Variants in MEF2C observed in about 807,000 individuals in gnomAD.
The protein encoded by MEF2C is myocyte enhancer factor 2C.
Under a neutral mutation model 50.5 loss-of-function variants are expected in MEF2C, and 6 were observed. The ratio of observed to expected loss-of-function variants is 0.12; its 90% confidence interval spans 0.07 to 0.23. The LOEUF is 0.23. Ranked by LOEUF, MEF2C falls within the 10% of genes least tolerant of loss-of-function variation. The pLI, the probability that MEF2C is intolerant of heterozygous loss-of-function variation, is 1.00. For synonymous variants in MEF2C, 183 were observed against 228.0 expected, an observed-to-expected ratio of 0.80 and a Z score of 1.78; for missense variants, 276 against 605.0, an observed-to-expected ratio of 0.46 and a Z score of 5.70.
intron 1 of MEF2C, among the ~76,000 whole-genome samples, chr5:88,840,243 A>C (rs765628900): frequency 1.3e-5 from 2 of 152,210 alleles, no homozygotes; most frequent in Non-Finnish European, 2.9e-5. Flanking sequence ...AATCCCTCAC[A>C]GAATACTTTA....
chr5:88,804,081 T>C (rs569370972), intron 3 of MEF2C, among the ~76,000 whole-genome samples: 48 of 152,288 alleles, frequency 3.2e-4, no homozygotes, highest in African/African-American at 1.2e-3. Flanking sequence ...GGAGAATAAT[T>C]GCCTTTACTC....
intron 6 of MEF2C, chr5:88,742,682 T>G (rs1767398808): frequency 8.1e-6 from 8 of 985,364 alleles, no homozygotes; most frequent in Non-Finnish European, 9.6e-6. Flanking sequence ...CGAAGGCATA[T>G]TTTACAACAT....
At chr5:88,902,404 T>A (rs912100778) in intron 1 of MEF2C, among the ~76,000 whole-genome samples, 4 of 151,910 alleles carry the variant, frequency 2.6e-5, no homozygotes, top group African/African-American at 9.7e-5. Flanking sequence ...ATATTTGGGT[T>A]TTAATGTTTT....
chr5:88,785,791 T>G (rs1175698874), intron 3 of MEF2C, among the ~76,000 whole-genome samples: 1 of 152,188 alleles, frequency 6.6e-6, no homozygotes, highest in Non-Finnish European at 1.5e-5. Context: ...GTTTGTCAGG[T>G]TCCCTGAAAC....
chr5:88,874,566 A>G (rs1272483431), intron 1 of MEF2C, among the ~76,000 whole-genome samples: 1 of 151,974 alleles, frequency 6.6e-6, no homozygotes, highest in Non-Finnish European at 1.5e-5. Flanking sequence ...TATTCTTATA[A>G]GCTGCCTTAT....
intron 3 of MEF2C, among the ~76,000 whole-genome samples, chr5:88,778,152 C>T (rs1294596378): frequency 1.3e-5 from 2 of 152,008 alleles, no homozygotes; most frequent in Non-Finnish European, 2.9e-5. Context: ...TTGTGATCCA[C>T]CCGCCTCAGC....
rs1017107744 is a variant in MEF2C at position 88,819,424 on chromosome 5, A to T, written c.54+4311T>A. The stretch of plus-strand genomic sequence containing the variant: ...GATATCTGGGTCCTGTCTAACATCC[A>T]ATCTTTTCTCTCATTTCTCTACAGT... On this transcript the variant is annotated intron_variant, in intron 2 of 10. Coordinates refer to ENST00000504921, the MANE Select transcript of MEF2C (RefSeq NM_002397.5). 3.1e-6 allele frequency: 3 copies of T among 974,652 alleles called. No individual in the cohort carries two copies. The African/African-American group carries it at 5.3e-5, about 17-fold the overall frequency. The allele number at this position is 974,652 out of a possible 1,614,324, so 60.4% of individuals were successfully genotyped here.
chr5:88,746,530 T>C, intron 6 of MEF2C: 1 of 985,330 alleles, frequency 1.0e-6, no homozygotes, highest in Non-Finnish European at 1.2e-6. Context: ...TCTCGCCACT[T>C]GGCCTCAAGA....
intron 7 of MEF2C, among the ~76,000 whole-genome samples, 168 bp from the exon 8 acceptor site, chr5:88,730,402 C>A (rs1299534459): frequency 6.6e-6 from 1 of 152,154 alleles, no homozygotes; most frequent in African/African-American, 2.4e-5. Context: ...CTTTGTTTCC[C>A]TTAATGAGCT....
chr5:88,744,094 A>T, intron 6 of MEF2C: 1 of 984,854 alleles, frequency 1.0e-6, no homozygotes, highest in Non-Finnish European at 1.2e-6. Context: ...CTACTCAATA[A>T]AAGGCAATCG....
chr5:88,752,100 T>C, intron 4 of MEF2C, 57 bp from the exon 5 acceptor site: 2 of 1,455,256 alleles, frequency 1.4e-6, no homozygotes, highest in Non-Finnish European at 1.8e-6. Flanking sequence ...ACAGAAGCTC[T>C]TCAAGACAGA....
At chr5:88,779,881 AC>A (rs1290958373) in intron 3 of MEF2C, among the ~76,000 whole-genome samples, 1 of 151,734 alleles carries the variant, frequency 6.6e-6, no homozygotes, top group Admixed American at 6.6e-5. Context: ...CTCATGTCTC[AC>A]GCCTATAATC....
intron 2 of MEF2C, among the ~76,000 whole-genome samples, chr5:88,821,206 TA>T (rs1808170728): frequency 6.6e-6 from 1 of 151,894 alleles, no homozygotes; most frequent in Non-Finnish European, 1.5e-5. Context: ...CAACTATATA[TA>T]AAAAAAGAAA....
intron 4 of MEF2C, among the ~76,000 whole-genome samples, chr5:88,757,901 G>A (rs1353508148): frequency 6.6e-6 from 1 of 152,122 alleles, no homozygotes; most frequent in Admixed American, 6.5e-5. Context: ...GAGGCACGGG[G>A]TGAGACCCCG....
At chr5:88,729,617 C>A (rs1001401931) in intron 8 of MEF2C, 10 of 405,978 alleles carry the variant, frequency 2.5e-5, no homozygotes, top group African/African-American at 1.6e-4. Flanking sequence ...TAAAAACAGA[C>A]TATGTTGAAA....
At chr5:88,840,279 T>C (rs886971810) in intron 1 of MEF2C, among the ~76,000 whole-genome samples, 4 of 152,214 alleles carry the variant, frequency 2.6e-5, no homozygotes, top group African/African-American at 9.6e-5. Flanking sequence ...TTCTGTCCTT[T>C]GTACAGAGAA....
chr5:88,896,429 G>A lies in MEF2C; in HGVS notation c.-240+7487C>T, dbSNP rs1177218096. Among the ~76,000 whole-genome samples the A allele has an allele frequency of 2.0e-5, 3 of 152,150 alleles. No homozygotes were observed. The East Asian group carries it at 5.8e-4, about 29-fold the overall frequency. ...GAACAGGGTTTAAGAACTCTTTGAA[G>A]AGAATATGTACCACTTGTTGGATGA... On this transcript the variant is annotated intron_variant, in intron 1 of 11. Coordinates refer to the MEF2C transcript ENST00000340208.
chr5:88,796,590 A>G (rs607309), intron 3 of MEF2C, among the ~76,000 whole-genome samples: 2,823 of 152,178 alleles, frequency 0.019, 77 homozygotes, highest in African/African-American at 0.064. Context: ...CAGCTCCTAG[A>G]TTCACTGATT....
intron 1 of MEF2C, among the ~76,000 whole-genome samples, chr5:88,874,769 ATAAT>A (rs1367369125): frequency 1.3e-5 from 2 of 152,018 alleles, no homozygotes; most frequent in African/African-American, 4.8e-5. Flanking sequence ...TAGGCAATTA[ATAAT>A]TAGTGTAGTG....
Sources: gnomAD v4.1 joint callset for allele counts (sites outside exome capture counted in the v4.1 genomes callset) on GRCh38, gnomAD v4.1.1 for gene constraint, MANE v1.5 for transcripts, NCBI Gene and HGNC (gene_info 2026-07-23, HGNC 2026-07-21) for gene names.